Variants in CHCHD3 observed in about 807,000 individuals in gnomAD.
CHCHD3 encodes the protein MICOS complex subunit MIC19.
In CHCHD3, 20 loss-of-function variants were observed where a neutral mutation model predicts 38.2. That is an observed-to-expected ratio of 0.52 (90% CI 0.37 to 0.76). The LOEUF is 0.76. Among genes scored for constraint, CHCHD3 ranks in the 30% least tolerant of loss-of-function variants. The pLI is 0.00. For missense variants in CHCHD3, 245 were observed against 279.2 expected (o/e 0.88, Z 0.87); for synonymous variants, 82 against 100.0 (o/e 0.82, Z 1.07).
At chr7:132,943,375 T>C (rs1248611425) in intron 4 of CHCHD3, among the ~76,000 whole-genome samples, 1 of 152,150 alleles carries the variant, frequency 6.6e-6, no homozygotes, top group African/African-American at 2.4e-5. Flanking sequence ...GTTCAAGAAT[T>C]GGTAAATATA....
chr7:132,986,338 C>T (rs1812119884), intron 3 of CHCHD3, among the ~76,000 whole-genome samples: 1 of 148,410 alleles, frequency 6.7e-6, no homozygotes, highest in Non-Finnish European at 1.5e-5. Flanking sequence ...CTTCCCTCCA[C>T]TATTGTCCTG....
intron 3 of CHCHD3, among the ~76,000 whole-genome samples, chr7:132,986,372 CG>C (rs1365110995): frequency 7.2e-6 from 1 of 138,308 alleles, no homozygotes; most frequent in Non-Finnish European, 1.5e-5. Context: ...TCCCCCTCTG[CG>C]AGAAACACCC....
chr7:132,821,927 T>C (rs1030679424), intron 6 of CHCHD3, among the ~76,000 whole-genome samples: 46 of 151,894 alleles, frequency 3.0e-4, no homozygotes, highest in African/African-American at 9.7e-4. Flanking sequence ...CGCGCCCGGC[T>C]AATTTTTTGT....
At chr7:133,001,214 C>T (rs1812564269) in intron 3 of CHCHD3, among the ~76,000 whole-genome samples, 1 of 152,174 alleles carries the variant, frequency 6.6e-6, no homozygotes. Context: ...TGTGCAAAGC[C>T]ACTGACTACC....
At chr7:132,898,678 C>CG (rs1809577038) in intron 4 of CHCHD3, among the ~76,000 whole-genome samples, 1 of 152,240 alleles carries the variant, frequency 6.6e-6, no homozygotes, top group Admixed American at 6.5e-5. Context: ...CGAGGAGGCT[C>CG]GGGCCGCACA....
intron 6 of CHCHD3, among the ~76,000 whole-genome samples, chr7:132,825,071 C>T (rs1166715178): frequency 6.6e-6 from 1 of 152,138 alleles, no homozygotes; most frequent in Non-Finnish European, 1.5e-5. Flanking sequence ...CTTCTGCAGT[C>T]GAGCTAATGA....
chr7:132,934,945 G>T (rs898589402), intron 4 of CHCHD3, among the ~76,000 whole-genome samples: 1 of 152,098 alleles, frequency 6.6e-6, no homozygotes, highest in Admixed American at 6.6e-5. Context: ...TAATATTTTT[G>T]TACTTCAGTT....
At chr7:132,870,807 A>G (rs1023470080) in intron 5 of CHCHD3, among the ~76,000 whole-genome samples, 4 of 152,198 alleles carry the variant, frequency 2.6e-5, no homozygotes, top group African/African-American at 9.7e-5. Flanking sequence ...TAACTAGGTA[A>G]ATAGTGCCAC....
intron 4 of CHCHD3, among the ~76,000 whole-genome samples, chr7:132,925,435 AT>A (rs1810350483): frequency 6.6e-6 from 1 of 152,216 alleles, no homozygotes; most frequent in South Asian, 2.1e-4. Flanking sequence ...ACTTTTTAAG[AT>A]GTAAATGTTG....
At chr7:132,874,499 C>G (rs751651749) in intron 5 of CHCHD3, among the ~76,000 whole-genome samples, 15 of 152,114 alleles carry the variant, frequency 9.9e-5, no homozygotes, top group African/African-American at 3.6e-4. Context: ...GCAACACTTG[C>G]GGGAAGATTT....
In CHCHD3 at chr7:132,862,620, C is replaced by T. The variant is rs145497818; in HGVS notation, c.453+23042G>A. On this transcript the variant is annotated intron_variant, in intron 5 of 7. Coordinates refer to ENST00000262570, the MANE Select transcript of CHCHD3 (RefSeq NM_017812.4). ...AAGACAACAATGAAGTTTGCCACAT[C>T]AATTCATTCTCAGGGGAGAGTTTTC... Among the ~76,000 whole-genome samples, 152 of 152,304 alleles carry T rather than the reference C, an allele frequency of 1.0e-3. 2 individuals carry two copies. The East Asian group carries it at 0.026, about 26-fold the overall frequency.
intron 4 of CHCHD3, among the ~76,000 whole-genome samples, chr7:132,967,851 G>A (rs1811511901): frequency 6.7e-6 from 1 of 150,228 alleles, no homozygotes; most frequent in Admixed American, 6.6e-5. Flanking sequence ...AAAGAACCTA[G>A]GCATTTCTGC....
At chr7:132,947,246 T>C (rs1357128543) in intron 4 of CHCHD3, among the ~76,000 whole-genome samples, 1 of 151,986 alleles carries the variant, frequency 6.6e-6, no homozygotes, top group African/African-American at 2.4e-5. Flanking sequence ...TTGAATGAAA[T>C]AAGCCATGTA....
chr7:132,909,061 C>A (rs1284910086), intron 4 of CHCHD3, among the ~76,000 whole-genome samples: 1 of 152,116 alleles, frequency 6.6e-6, no homozygotes, highest in South Asian at 2.1e-4. Flanking sequence ...TTATAAGAGG[C>A]TTTTCCCCCG....
chr7:132,940,312 A>G (rs1199736146), intron 4 of CHCHD3, among the ~76,000 whole-genome samples: 1 of 152,216 alleles, frequency 6.6e-6, no homozygotes, highest in Non-Finnish European at 1.5e-5. Context: ...CTAGTCAGAC[A>G]GTTCAAGATT....
intron 4 of CHCHD3, among the ~76,000 whole-genome samples, chr7:132,910,216 T>C (rs1376577710): frequency 6.6e-6 from 1 of 152,196 alleles, no homozygotes; most frequent in Non-Finnish European, 1.5e-5. Flanking sequence ...TAGGGACAAC[T>C]GTATTTGTAC....
chr7:133,073,944 C>T (rs1376818428), intron 1 of CHCHD3, among the ~76,000 whole-genome samples: 1 of 152,188 alleles, frequency 6.6e-6, no homozygotes, highest in African/African-American at 2.4e-5. Flanking sequence ...GCCCTCTCTC[C>T]TGTACCATTG....
chr7:132,896,440 A>C (rs1809499883), intron 4 of CHCHD3, among the ~76,000 whole-genome samples: 1 of 152,194 alleles, frequency 6.6e-6, no homozygotes, highest in African/African-American at 2.4e-5. Flanking sequence ...TATAACTTAC[A>C]AGTTTCATGT....
intron 6 of CHCHD3, among the ~76,000 whole-genome samples, chr7:132,812,203 T>TTA (rs1219299893): frequency 2.5e-5 from 2 of 80,204 alleles, no homozygotes; most frequent in East Asian, 5.7e-4. Flanking sequence ...TTCTTTTCTT[T>TTA]TTTTTTTTTT....
Sources: gnomAD v4.1 joint callset for allele counts (sites outside exome capture counted in the v4.1 genomes callset) on GRCh38, gnomAD v4.1.1 for gene constraint, MANE v1.5 for transcripts, NCBI Gene and HGNC (gene_info 2026-07-23, HGNC 2026-07-21) for gene names.